The following SAMSN1 variants were observed in gnomAD, a reference collection of about 807,000 sequenced individuals.
SAMSN1 encodes SAM domain, SH3 domain and nuclear localization signals 1.
Under a neutral mutation model 42.0 loss-of-function variants are expected in SAMSN1, and 31 were observed. The observed-to-expected ratio is 0.74, with a 90% CI of 0.55 to 1.00. SAMSN1 has a LOEUF of 1.00. Ranked by LOEUF, SAMSN1 falls within the 50% of genes least tolerant of loss-of-function variation. The probability of loss-of-function intolerance (pLI) is 0.00; values close to 1 mark genes in which losing one functional copy is unlikely to be tolerated. For missense variants in SAMSN1, 464 were observed against 439.4 expected (o/e 1.06, Z -0.50); for synonymous variants, 178 against 151.9 (o/e 1.17, Z -1.26).
chr21:14,598,931 T>A (rs1982351406), intron 6 of SAMSN1, among the ~76,000 whole-genome samples: 1 of 152,180 alleles, frequency 6.6e-6, no homozygotes, highest in African/African-American at 2.4e-5. Flanking sequence ...TTATACATAG[T>A]TTTAAGAAAT....
At chr21:14,653,531 G>A (rs1161792487) in intron 1 of SAMSN1, among the ~76,000 whole-genome samples, 1 of 151,926 alleles carries the variant, frequency 6.6e-6, no homozygotes, top group African/African-American at 2.4e-5. Context: ...GGAAGCTGGG[G>A]ATGGTTAATG....
intron 5 of SAMSN1, among the ~76,000 whole-genome samples, chr21:14,504,984 G>A (rs1987334299): frequency 6.6e-6 from 1 of 152,118 alleles, no homozygotes; most frequent in Non-Finnish European, 1.5e-5. Flanking sequence ...CAAGAATTTT[G>A]TATCCAGCAA....
intron 7 of SAMSN1, among the ~76,000 whole-genome samples, chr21:14,589,810 C>A (rs1484550339): frequency 6.6e-6 from 1 of 152,048 alleles, no homozygotes; most frequent in Non-Finnish European, 1.5e-5. Context: ...TGTTTTTGCT[C>A]TTCTTCTTAA....
At chr21:14,542,292 A>G (rs1980096661) in intron 1 of SAMSN1, among the ~76,000 whole-genome samples, 1 of 152,234 alleles carries the variant, frequency 6.6e-6, no homozygotes, top group Non-Finnish European at 1.5e-5. Flanking sequence ...AACATATTTC[A>G]TGTCAGTTTC....
upstream of SAMSN1, chr21:14,546,428 T>G: frequency 8.5e-7 from 1 of 1,183,002 alleles, no homozygotes; most frequent in Non-Finnish European, 1.1e-6. Context: ...CATGGGTAAT[T>G]TTTTTTTCTT....
intron 6 of SAMSN1, among the ~76,000 whole-genome samples, chr21:14,596,290 A>AT (rs1162410793): frequency 2.6e-5 from 4 of 152,026 alleles, no homozygotes; most frequent in African/African-American, 2.4e-5. Context: ...AGGAGATTAG[A>AT]TTTTTTTTCA....
chr21:14,541,512 GTGGTTTTT>G (rs1193776210), intron 1 of SAMSN1, among the ~76,000 whole-genome samples: 110 of 152,044 alleles, frequency 7.2e-4, no homozygotes, highest in African/African-American at 2.6e-3. Context: ...GTGATTTTTT[GTGGTTTTT>G]TTTGTTTGTT....
At chr21:14,586,008 T>C (rs1256979399), upstream of SAMSN1, among the ~76,000 whole-genome samples, 3 of 151,994 alleles carry the variant, frequency 2.0e-5, no homozygotes, top group Non-Finnish European at 4.4e-5. Context: ...CTCATGCCTG[T>C]AATCCCAGCA....
chr21:14,491,662 T>A (rs9982133), intron 7 of SAMSN1, among the ~76,000 whole-genome samples: 36,823 of 152,108 alleles, frequency 0.24, 6,089 homozygotes, highest in African/African-American at 0.47. Flanking sequence ...TATACAAGTG[T>A]TCAACTCTAA....
At chr21:14,605,907 T>C (rs1320674642) in intron 5 of SAMSN1, among the ~76,000 whole-genome samples, 1 of 151,938 alleles carries the variant, frequency 6.6e-6, no homozygotes, top group Admixed American at 6.6e-5. Context: ...AGTGGCGCGA[T>C]CTGGGTTCAC....
rs562400560 is a variant in SAMSN1, at chr21:14,536,188, C to T, written c.57+10017G>A. Among the ~76,000 whole-genome samples the T allele has an allele frequency of 1.6e-4, 24 of 151,938 alleles. No individual in the cohort carries two copies. In the South Asian group the frequency reaches 1.7e-3, roughly 11 times the overall value. On this transcript the variant is annotated intron_variant, in intron 1 of 7. Coordinates refer to ENST00000400566, the MANE Select transcript of SAMSN1 (RefSeq NM_022136.5). The stretch of plus-strand genomic sequence containing the variant: ...AGTTTGGTAATGATAAATTTGGAAA[C>T]GGATATGTAAAGCATGGACTTGATT...
At chr21:14,620,272 G>T (rs1187605028) in intron 2 of SAMSN1, among the ~76,000 whole-genome samples, 1 of 152,114 alleles carries the variant, frequency 6.6e-6, no homozygotes, top group East Asian at 1.9e-4. Context: ...AACTTGGAGG[G>T]AATTGGGTCA....
At chr21:14,502,327 T>C (rs1341901509) in intron 5 of SAMSN1, among the ~76,000 whole-genome samples, 2 of 152,148 alleles carry the variant, frequency 1.3e-5, no homozygotes, top group Non-Finnish European at 2.9e-5. Context: ...TGAGAAGCTC[T>C]CCTGAAGCTC....
intron 1 of SAMSN1, among the ~76,000 whole-genome samples, chr21:14,527,513 A>G (rs1196241493): frequency 6.6e-6 from 1 of 152,226 alleles, no homozygotes; most frequent in Non-Finnish European, 1.5e-5. Flanking sequence ...AATGCTTTAA[A>G]TATTTTCAAC....
intron 7 of SAMSN1, chr21:14,496,341 C>A (rs1485258668): frequency 1.3e-5 from 2 of 152,214 alleles, no homozygotes; most frequent in African/African-American, 4.8e-5. Context: ...TGTTCGACTT[C>A]TTTGAAATTC....
chr21:14,508,109 A>C (rs1317460730), intron 5 of SAMSN1, among the ~76,000 whole-genome samples: 4 of 152,242 alleles, frequency 2.6e-5, no homozygotes, highest in Non-Finnish European at 5.9e-5. Flanking sequence ...AACTTCTAGA[A>C]GATAACATTG....
At chr21:14,632,861 T>C (rs369847778) in intron 2 of SAMSN1, among the ~76,000 whole-genome samples, 1 of 152,314 alleles carries the variant, frequency 6.6e-6, no homozygotes, top group African/African-American at 2.4e-5. Context: ...CCTTACTTTA[T>C]TGTTGGCTAT....
At chr21:14,541,768 A>T (rs1039424068) in intron 1 of SAMSN1, among the ~76,000 whole-genome samples, 2 of 152,150 alleles carry the variant, frequency 1.3e-5, no homozygotes, top group East Asian at 1.9e-4. Flanking sequence ...GTCATTTTTT[A>T]AAATATTTGA....
intron 2 of SAMSN1, among the ~76,000 whole-genome samples, chr21:14,566,425 A>G (rs1981118564): frequency 1.3e-5 from 2 of 152,194 alleles, no homozygotes; most frequent in South Asian, 2.1e-4. Context: ...TATCTCTTGC[A>G]TCATATAAGA....
Sources: allele counts gnomAD v4.1 joint callset (sites outside exome capture counted in the v4.1 genomes callset), GRCh38; gene constraint gnomAD v4.1.1; transcripts MANE v1.5; gene names NCBI Gene and HGNC (gene_info 2026-07-23, HGNC 2026-07-21).